The following THEMIS variants were observed in gnomAD, a reference collection of about 807,000 sequenced individuals.
THEMIS encodes the protein thymocyte selection associated.
THEMIS carries 37 observed loss-of-function variants against 52.6 expected under a neutral mutation model. That is an observed-to-expected ratio of 0.70 (90% CI 0.54 to 0.93). The LOEUF (loss-of-function observed/expected upper bound fraction) is 0.93, where lower values mean the gene tolerates loss of function less well. THEMIS is among the 40% of genes least tolerant of loss of function. The probability of loss-of-function intolerance (pLI) is 0.00; values close to 1 mark genes in which losing one functional copy is unlikely to be tolerated. For missense variants in THEMIS, 808 were observed against 763.1 expected, an observed-to-expected ratio of 1.06 and a Z score of -0.69; for synonymous variants, 292 against 272.7, an observed-to-expected ratio of 1.07 and a Z score of -0.70.
At position 127,880,570 on chromosome 6, in the gene THEMIS, T is replaced by TCA. The variant is rs1491168510; in HGVS notation, c.91+20271_91+20272insTG. ...GCTTTTCCTGATGCCAAAAGACAAA[T>TCA]TAAAAAAAAAAAAAAAAAGCACTTT... On this transcript the variant is annotated intron_variant, in intron 1 of 5. Coordinates refer to ENST00000368248, the MANE Select transcript of THEMIS (RefSeq NM_001010923.3). Among the ~76,000 whole-genome samples the TCA allele has an allele frequency of 2.8e-3, 241 of 84,676 alleles. 3 individuals carry two copies. The highest frequency in any genetic ancestry group is 0.012 in the African/African-American group (223 of 18,932). The allele number at this position is 84,676 out of a possible 152,430, so 55.6% of individuals were successfully genotyped here. A position where few individuals can be genotyped will look rare whatever the true frequency, so the allele number is the denominator to read the frequency against.
chr6:127,810,709 C>T (rs1028754539), intron 4 of THEMIS, among the ~76,000 whole-genome samples: 5 of 152,086 alleles, frequency 3.3e-5, no homozygotes, highest in African/African-American at 9.7e-5. Flanking sequence ...ACCCTCCAAT[C>T]GTGCCTCTAG....
chr6:127,772,252 A>T (rs1225916886), intron 4 of THEMIS, among the ~76,000 whole-genome samples: 1 of 152,064 alleles, frequency 6.6e-6, no homozygotes, highest in African/African-American at 2.4e-5. Context: ...GTCAAAAAGT[A>T]CACATACAAG....
At chr6:127,846,911 T>A (rs1319542436) in intron 2 of THEMIS, among the ~76,000 whole-genome samples, 1 of 151,856 alleles carries the variant, frequency 6.6e-6, no homozygotes, top group Non-Finnish European at 1.5e-5. Context: ...TAACTAAATC[T>A]AATAGCAAAT....
intron 1 of THEMIS, among the ~76,000 whole-genome samples, chr6:127,895,493 A>G (rs1780937258): frequency 6.6e-6 from 1 of 151,606 alleles, no homozygotes; most frequent in Non-Finnish European, 1.5e-5. Flanking sequence ...AGAGACAATC[A>G]ATGGGAAAAC....
intron 3 of THEMIS, among the ~76,000 whole-genome samples, chr6:127,817,531 C>T (rs1309107370): frequency 1.3e-5 from 2 of 151,730 alleles, no homozygotes; most frequent in Non-Finnish European, 2.9e-5. Flanking sequence ...AAAATATTTT[C>T]ATCCAAGTTT....
chr6:127,705,987 C>T (rs1378177258), downstream of THEMIS, among the ~76,000 whole-genome samples: 1 of 152,122 alleles, frequency 6.6e-6, no homozygotes, highest in African/African-American at 2.4e-5. Context: ...TCTTCCACTT[C>T]CATACAGATT....
At chr6:127,867,779 G>A (rs1780029285) in intron 1 of THEMIS, among the ~76,000 whole-genome samples, 1 of 152,102 alleles carries the variant, frequency 6.6e-6, no homozygotes, top group African/African-American at 2.4e-5. Context: ...ACTATGCTAT[G>A]CCTGTAAATT....
intron 4 of THEMIS, among the ~76,000 whole-genome samples, chr6:127,738,504 C>T (rs1775084600): frequency 6.6e-6 from 1 of 152,170 alleles, no homozygotes; most frequent in Non-Finnish European, 1.5e-5. Context: ...TTTAACTTCT[C>T]TAACTCCTCT....
At chr6:127,868,572 A>C (rs270050) in intron 1 of THEMIS, 521,540 of 643,392 alleles carry the variant, frequency 0.81, 212,021 homozygotes, top group African/African-American at 0.95. Flanking sequence ...TCAGGTGGAT[A>C]TGGGATGACT....
intron 1 of THEMIS, among the ~76,000 whole-genome samples, chr6:127,886,183 A>C (rs1206792598): frequency 1.3e-5 from 2 of 151,958 alleles, no homozygotes; most frequent in Admixed American, 1.3e-4. Context: ...TAACTCCCTC[A>C]CTTCTCCCAA....
At chr6:127,734,731 G>T (rs963217738) in intron 4 of THEMIS, among the ~76,000 whole-genome samples, 1 of 151,466 alleles carries the variant, frequency 6.6e-6, no homozygotes, top group African/African-American at 2.4e-5. Flanking sequence ...TTAGCCGGGT[G>T]TGGTGGCACG....
intron 5 of THEMIS, among the ~76,000 whole-genome samples, chr6:127,714,545 C>T (rs1774092860): frequency 6.6e-6 from 1 of 151,776 alleles, no homozygotes; most frequent in Non-Finnish European, 1.5e-5. Flanking sequence ...GAGAATAGAT[C>T]CCAAGAATAT....
intron 1 of THEMIS, among the ~76,000 whole-genome samples, chr6:127,914,911 G>T (rs761043202): frequency 6.6e-6 from 1 of 152,084 alleles, no homozygotes; most frequent in Non-Finnish European, 1.5e-5. Flanking sequence ...GCCTGCTATG[G>T]TTATCACAAC....
intron 1 of THEMIS, among the ~76,000 whole-genome samples, chr6:127,897,828 A>G (rs1398136703): frequency 6.6e-6 from 1 of 151,712 alleles, no homozygotes; most frequent in Non-Finnish European, 1.5e-5. Flanking sequence ...CACATGTACA[A>G]GAATTTTCAT....
intron 4 of THEMIS, among the ~76,000 whole-genome samples, chr6:127,789,637 G>A (rs1017972615): frequency 2.0e-5 from 3 of 152,066 alleles, no homozygotes; most frequent in Non-Finnish European, 4.4e-5. Flanking sequence ...CATAATACTG[G>A]CAAACCAAAT....
intron 3 of THEMIS, among the ~76,000 whole-genome samples, chr6:127,819,487 G>C (rs1341611550): frequency 2.0e-5 from 3 of 152,048 alleles, no homozygotes; most frequent in Non-Finnish European, 2.9e-5. Flanking sequence ...ATATTGAAGA[G>C]TATCATATTC....
intron 4 of THEMIS, among the ~76,000 whole-genome samples, chr6:127,775,859 A>G (rs1030238997): frequency 3.9e-5 from 6 of 152,098 alleles, no homozygotes; most frequent in Non-Finnish European, 8.8e-5. Context: ...CTTATTGTCA[A>G]GCTGTCAAGG....
At chr6:127,900,389 T>C (rs1433157828) in intron 1 of THEMIS, among the ~76,000 whole-genome samples, 1 of 152,196 alleles carries the variant, frequency 6.6e-6, no homozygotes, top group East Asian at 1.9e-4. Context: ...AAAACATTGG[T>C]ATAAGCAACA....
chr6:127,861,375 T>A (rs989078447), intron 1 of THEMIS, among the ~76,000 whole-genome samples: 5 of 152,192 alleles, frequency 3.3e-5, no homozygotes, highest in Non-Finnish European at 7.3e-5. Flanking sequence ...TGGATTACAG[T>A]GTGTTCGCAC....
Sources: allele counts gnomAD v4.1 joint callset (sites outside exome capture counted in the v4.1 genomes callset), GRCh38; gene constraint gnomAD v4.1.1; transcripts MANE v1.5; gene names NCBI Gene and HGNC (gene_info 2026-07-23, HGNC 2026-07-21).